The following PPP2R3A variants were observed in gnomAD, a reference collection of about 807,000 sequenced individuals.
The protein encoded by PPP2R3A is protein phosphatase 2 regulatory subunit B''alpha.
Under a neutral mutation model 106.9 loss-of-function variants are expected in PPP2R3A, and 80 were observed. That is an observed-to-expected ratio of 0.75 (90% confidence interval 0.62 to 0.90). The LOEUF (loss-of-function observed/expected upper bound fraction) is 0.90. Ranked by LOEUF, PPP2R3A falls within the 40% of genes least tolerant of loss-of-function variation. The pLI, the probability that PPP2R3A is intolerant of heterozygous loss-of-function variation, is 0.00. For missense variants in PPP2R3A, 1,386 were observed against 1,350.4 expected (o/e 1.03, Z -0.41); for synonymous variants, 483 against 468.3 (o/e 1.03, Z -0.41).
At chr3:136,095,157 G>A (rs11922000) in intron 10 of PPP2R3A, among the ~76,000 whole-genome samples, 4,690 of 151,950 alleles carry the variant, frequency 0.031, 226 homozygotes, top group African/African-American at 0.11. Context: ...TATGGGGGGA[G>A]GTCCCCTCAG....
chr3:136,109,028 A>G (rs369419903), intron 13 of PPP2R3A, among the ~76,000 whole-genome samples: 2 of 152,216 alleles, frequency 1.3e-5, no homozygotes, highest in South Asian at 4.1e-4. Flanking sequence ...TAGAAAAGAA[A>G]TAATAGTGAG....
chr3:136,071,910 T>C (rs1936441619), intron 6 of PPP2R3A, among the ~76,000 whole-genome samples: 1 of 152,158 alleles, frequency 6.6e-6, no homozygotes, highest in Admixed American at 6.6e-5. Context: ...GATTTCCACA[T>C]TGTCACTCCC....
At chr3:136,089,893 AT>A (rs1162358296) in intron 9 of PPP2R3A, among the ~76,000 whole-genome samples, 1 of 151,870 alleles carries the variant, frequency 6.6e-6, no homozygotes, top group Non-Finnish European at 1.5e-5. Context: ...TGCATTCTTG[AT>A]TTGGCTTTCA....
At chr3:135,978,588 G>T (rs1256072624) in intron 1 of PPP2R3A, among the ~76,000 whole-genome samples, 1 of 151,536 alleles carries the variant, frequency 6.6e-6, no homozygotes, top group Non-Finnish European at 1.5e-5. Flanking sequence ...ATTCTATCCA[G>T]TTTGGCTTTT....
At chr3:136,048,204 TC>T in intron 4 of PPP2R3A, among the ~76,000 whole-genome samples, 1 of 152,278 alleles carries the variant, frequency 6.6e-6, no homozygotes, top group South Asian at 2.1e-4. Flanking sequence ...CAGCAAGAGT[TC>T]CTGGAAGGTG....
At chr3:136,032,611 T>C (rs962412308) in intron 3 of PPP2R3A, among the ~76,000 whole-genome samples, 1 of 152,016 alleles carries the variant, frequency 6.6e-6, no homozygotes, top group African/African-American at 2.4e-5. Context: ...CACTGCAGAC[T>C]GCAAGCTCTG....
intron 10 of PPP2R3A, among the ~76,000 whole-genome samples, chr3:136,096,903 A>G (rs547063760): frequency 1.7e-4 from 26 of 152,346 alleles, no homozygotes; most frequent in African/African-American, 2.2e-4. Context: ...GAGGTGAGGA[A>G]GGTTGCAGTG....
At chr3:136,020,965 C>T (rs1523596) in intron 2 of PPP2R3A, among the ~76,000 whole-genome samples, 38,512 of 151,770 alleles carry the variant, frequency 0.25, 5,342 homozygotes, top group Non-Finnish European at 0.32. Flanking sequence ...CATGAAATAG[C>T]TAAATTTTGA....
chr3:136,034,832 A>T (rs527802789), intron 3 of PPP2R3A, among the ~76,000 whole-genome samples: 1 of 151,710 alleles, frequency 6.6e-6, no homozygotes, highest in Non-Finnish European at 1.5e-5. Flanking sequence ...GAAGTCCCCC[A>T]CTCTTGTTGT....
chr3:136,064,272 TGGGGGGAGGGGGGA>T (rs1013313494), intron 5 of PPP2R3A, among the ~76,000 whole-genome samples: 1 of 60,254 alleles, frequency 1.7e-5, no homozygotes, highest in African/African-American at 6.8e-5. Flanking sequence ...TGTTGTGGGG[TGGGGGGAGGGGGGA>T]GGGATAGCAT....
intron 11 of PPP2R3A, among the ~76,000 whole-genome samples, chr3:136,102,403 A>G (rs935790179): frequency 1.4e-5 from 2 of 146,492 alleles, no homozygotes; most frequent in Admixed American, 1.4e-4. Flanking sequence ...CTGGAGTACA[A>G]TGGTGTGATC....
In PPP2R3A at chr3:136,040,904, G is replaced by A; in HGVS notation, c.2308G>A (p.Ala770Thr). Reference protein sequence around the residue: ...LYWKAPMFRAAGGEKTGFVTA... With the variant: ...LYWKAPMFRATGGEKTGFVTA... ...TTGGAAAGCCCCCATGTTCAGGGCT[G>A]CAGGGGGAGAGAAGACAGGATTTGT... Residue 770 changes from alanine (A) to threonine (T), a missense_variant, in exon 4 of 14, where the codon GCA (alanine) becomes ACA (threonine). Transcript: ENST00000264977. 6.2e-7 allele frequency: 1 copy of A among 1,613,562 alleles called. No homozygotes were observed. The highest frequency in any genetic ancestry group is 8.5e-7 in the Non-Finnish European group (1 of 1,179,760).
chr3:136,070,098 G>C (rs1321667923), intron 5 of PPP2R3A, among the ~76,000 whole-genome samples: 1 of 151,958 alleles, frequency 6.6e-6, no homozygotes, highest in African/African-American at 2.4e-5. Context: ...TCATTGGCTT[G>C]CATCTACTGT....
rs549284850 is a variant in PPP2R3A at position 136,088,961 on chromosome 3, C to T, written c.2837+1030C>T. On this transcript the variant is annotated intron_variant, in intron 9 of 13. Transcript: ENST00000264977. ...TGTTTTTTGCTTGTTGATTTAAGTT[C>T]GATATAGAGTCTGGATATTAGACCT... Among the ~76,000 whole-genome samples the T allele has an allele frequency of 6.6e-5, 10 of 152,002 alleles. No homozygotes were observed. The South Asian group carries it at 1.2e-3, about 19-fold the overall frequency.
chr3:135,967,330 C>T (rs976308339), intron 1 of PPP2R3A, among the ~76,000 whole-genome samples: 5 of 152,124 alleles, frequency 3.3e-5, no homozygotes, highest in Admixed American at 1.3e-4. Context: ...TCAAAAATAG[C>T]TTTATGCACT....
chr3:136,086,629 C>A (rs1186772810), intron 8 of PPP2R3A, among the ~76,000 whole-genome samples: 1 of 152,082 alleles, frequency 6.6e-6, no homozygotes, highest in Non-Finnish European at 1.5e-5. Flanking sequence ...ATATCCTTGC[C>A]TTTCCTATAT....
intron 13 of PPP2R3A, among the ~76,000 whole-genome samples, chr3:136,128,051 G>A (rs543266176): frequency 6.6e-6 from 1 of 152,230 alleles, no homozygotes; most frequent in South Asian, 2.1e-4. Flanking sequence ...ACGACCCACT[G>A]CAAAAACATG....
intron 5 of PPP2R3A, among the ~76,000 whole-genome samples, chr3:136,069,745 A>G (rs1411903565): frequency 6.6e-6 from 1 of 152,212 alleles, no homozygotes; most frequent in African/African-American, 2.4e-5. Flanking sequence ...AATAGACTAT[A>G]TCTGTAATGG....
chr3:136,142,105 G>A (rs982222669), intron 13 of PPP2R3A, among the ~76,000 whole-genome samples: 1 of 152,230 alleles, frequency 6.6e-6, no homozygotes, highest in East Asian at 1.9e-4. Context: ...CCACAGGTGA[G>A]TAGGCAGTGA....
Sources: gnomAD v4.1 joint callset for allele counts (sites outside exome capture counted in the v4.1 genomes callset) on GRCh38, gnomAD v4.1.1 for gene constraint, MANE v1.5 for transcripts, NCBI Gene and HGNC (gene_info 2026-07-23, HGNC 2026-07-21) for gene names.